PARD3B: variants seen among roughly 807,000 people sequenced by gnomAD.
PARD3B encodes par-3 family cell polarity regulator beta.
PARD3B carries 103 observed loss-of-function variants against 130.2 expected under a neutral mutation model. The observed-to-expected ratio is 0.79, with a 90% CI of 0.67 to 0.93. The LOEUF (loss-of-function observed/expected upper bound fraction) is 0.93. Ranked by LOEUF, PARD3B falls within the 40% of genes least tolerant of loss-of-function variation. PARD3B has a pLI of 0.00. For missense variants in PARD3B, 1,609 were observed against 1,499.2 expected (o/e 1.07, Z -1.21); for synonymous variants, 583 against 553.2 (o/e 1.05, Z -0.76).
chr2:205,130,032 G>A (rs1052015305), intron 10 of PARD3B, among the ~76,000 whole-genome samples: 1 of 152,166 alleles, frequency 6.6e-6, no homozygotes, highest in African/African-American at 2.4e-5. Flanking sequence ...AATCAAGTGA[G>A]AGGAATTTAT....
chr2:205,612,055 G>A (rs1250278810), intron 22 of PARD3B, among the ~76,000 whole-genome samples: 1 of 152,120 alleles, frequency 6.6e-6, no homozygotes, highest in Admixed American at 6.6e-5. Flanking sequence ...CAAATAAAGA[G>A]ACTATGAAAA....
intron 4 of PARD3B, among the ~76,000 whole-genome samples, chr2:205,093,486 G>C (rs986829001): frequency 1.3e-5 from 2 of 152,126 alleles, no homozygotes; most frequent in Admixed American, 1.3e-4. Context: ...TCCATGCAGA[G>C]TGTTCAGGGA....
intron 18 of PARD3B, among the ~76,000 whole-genome samples, chr2:205,373,012 TTATTTCC>T (rs2044884674): frequency 3.9e-5 from 6 of 152,324 alleles, no homozygotes; most frequent in Middle Eastern, 3.4e-3. Context: ...TTTTAAATCA[TTATTTCC>T]TCTGCTTCAA....
chr2:205,360,934 T>G (rs2044366100), intron 18 of PARD3B, among the ~76,000 whole-genome samples: 1 of 152,182 alleles, frequency 6.6e-6, no homozygotes, highest in South Asian at 2.1e-4. Flanking sequence ...CTTGTGTCAG[T>G]ATCCATGATA....
At chr2:205,272,212 T>G (rs925987893) in intron 16 of PARD3B, among the ~76,000 whole-genome samples, 2 of 152,054 alleles carry the variant, frequency 1.3e-5, no homozygotes, top group Non-Finnish European at 2.9e-5. Context: ...GAATGGGTGA[T>G]AACAAGATTG....
intron 2 of PARD3B, among the ~76,000 whole-genome samples, chr2:204,933,865 C>G (rs2125783285): frequency 6.6e-6 from 1 of 152,258 alleles, no homozygotes; most frequent in African/African-American, 2.4e-5. Context: ...ATTACCTTTG[C>G]CATTGTGGAT....
rs77264527 is a variant in PARD3B at position 204,805,189 on chromosome 2, A to G, written c.222+118907A>G. Among the ~76,000 whole-genome samples, 1,267 of 152,202 alleles carry G rather than the reference A, an allele frequency of 8.3e-3. 18 individuals carry two copies. Among genetic ancestry groups the G allele is most frequent in the African/African-American group, 0.029 (1,196 of 41,570 alleles). ...AAAATTGACAAATCTTTTGCCTAAA[A>G]GAGAAGACCTAAACAAATAAAGTCA... On this transcript the variant is annotated intron_variant, in intron 2 of 22. Transcript: ENST00000406610.
intron 16 of PARD3B, among the ~76,000 whole-genome samples, chr2:205,247,501 T>C (rs1340743907): frequency 6.6e-6 from 1 of 152,242 alleles, no homozygotes; most frequent in Non-Finnish European, 1.5e-5. Flanking sequence ...ATACAGCAAC[T>C]TCACTTTAGC....
intron 1 of PARD3B, among the ~76,000 whole-genome samples, chr2:204,584,705 A>G (rs2032741238): frequency 6.6e-6 from 1 of 152,182 alleles, no homozygotes; most frequent in Non-Finnish European, 1.5e-5. Context: ...CCCTCATTTT[A>G]TAGATGAGAA....
At chr2:204,691,992 A>G (rs2037376063) in intron 2 of PARD3B, among the ~76,000 whole-genome samples, 1 of 152,066 alleles carries the variant, frequency 6.6e-6, no homozygotes, top group Non-Finnish European at 1.5e-5. Flanking sequence ...GCATTTGGAG[A>G]TGTAACATGA....
intron 20 of PARD3B, among the ~76,000 whole-genome samples, chr2:205,497,958 C>T (rs1034715206): frequency 2.0e-5 from 3 of 151,566 alleles, no homozygotes; most frequent in Non-Finnish European, 4.4e-5. Context: ...AGGCAGATCA[C>T]TTGAGGTCAG....
At chr2:204,747,201 G>A (rs548209796) in intron 2 of PARD3B, among the ~76,000 whole-genome samples, 1 of 152,190 alleles carries the variant, frequency 6.6e-6, no homozygotes, top group South Asian at 2.1e-4. Context: ...CACATGGCTG[G>A]CCAGTTTTCC....
intron 19 of PARD3B, among the ~76,000 whole-genome samples, chr2:205,426,446 A>T (rs994890212): frequency 6.6e-6 from 1 of 152,218 alleles, no homozygotes; most frequent in African/African-American, 2.4e-5. Flanking sequence ...CAGACAAATT[A>T]TCTCTGCTGT....
intron 15 of PARD3B, among the ~76,000 whole-genome samples, chr2:205,206,784 C>A (rs961593045): frequency 6.6e-6 from 1 of 151,922 alleles, no homozygotes; most frequent in South Asian, 2.1e-4. Context: ...TTTAACACCC[C>A]ACTGTCAACA....
intron 2 of PARD3B, among the ~76,000 whole-genome samples, chr2:204,759,259 T>C (rs1020474517): frequency 6.6e-6 from 1 of 152,162 alleles, no homozygotes; most frequent in Non-Finnish European, 1.5e-5. Context: ...AAGTTTTTTG[T>C]AGTGTTAATT....
intron 2 of PARD3B, among the ~76,000 whole-genome samples, chr2:204,919,563 A>G (rs557706190): frequency 6.6e-6 from 1 of 152,264 alleles, no homozygotes; most frequent in Admixed American, 6.5e-5. Flanking sequence ...ACCGTTTAGT[A>G]TATTTGTAGT....
rs542625582 is a variant in PARD3B, at chr2:205,544,615, G to A, written c.3181-8709G>A. Among the ~76,000 whole-genome samples, 13 of 152,298 alleles carry A rather than the reference G, an allele frequency of 8.5e-5. No individual in the cohort carries two copies. The South Asian group carries it at 2.7e-3, about 32-fold the overall frequency. ...TTTCTGCTAAGACAATCATAACAGA[G>A]ACAGTTCAGGTTATTAAGATGCCAT... On this transcript the variant is annotated intron_variant, in intron 21 of 22. Transcript: ENST00000406610.
chr2:204,964,650 A>G (rs1034797176), intron 2 of PARD3B, among the ~76,000 whole-genome samples: 1 of 152,162 alleles, frequency 6.6e-6, no homozygotes, highest in Non-Finnish European at 1.5e-5. Flanking sequence ...CACACAATGT[A>G]TGTATGTATA....
chr2:204,760,816 C>G (rs1329342183), intron 2 of PARD3B, among the ~76,000 whole-genome samples: 1 of 152,090 alleles, frequency 6.6e-6, no homozygotes, highest in Non-Finnish European at 1.5e-5. Flanking sequence ...TTTGCATTAT[C>G]CATCATTAAT....
Sources: gnomAD v4.1 joint callset for allele counts (sites outside exome capture counted in the v4.1 genomes callset) on GRCh38, gnomAD v4.1.1 for gene constraint, MANE v1.5 for transcripts, NCBI Gene and HGNC (gene_info 2026-07-23, HGNC 2026-07-21) for gene names.